The following GPHN variants were observed in gnomAD, a reference collection of about 807,000 sequenced individuals.
GPHN encodes gephyrin.
GPHN carries 17 observed loss-of-function variants against 95.5 expected under a neutral mutation model. The observed-to-expected ratio is 0.18, with a 90% CI of 0.12 to 0.27. GPHN has a LOEUF of 0.27. GPHN is among the 10% of genes least tolerant of loss of function. GPHN has a pLI of 1.00. For synonymous variants in GPHN, 320 were observed against 322.5 expected, an observed-to-expected ratio of 0.99 and a Z score of 0.08; for missense variants, 660 against 978.1, an observed-to-expected ratio of 0.67 and a Z score of 4.34.
chr14:66,991,510 A>G (rs909289335), intron 9 of GPHN, among the ~76,000 whole-genome samples: 1 of 152,092 alleles, frequency 6.6e-6, no homozygotes, highest in Non-Finnish European at 1.5e-5. Flanking sequence ...CCTGTAACCC[A>G]GCACTTTGGG....
chr14:67,426,854 C>T, the GPHN span, among the ~76,000 whole-genome samples: 39 of 152,314 alleles, frequency 2.6e-4, no homozygotes, highest in Admixed American at 2.0e-3. Flanking sequence ...GGATTACAGG[C>T]GTGAGCCACG....
At chr14:67,110,541 C>T (rs1253626983) in intron 14 of GPHN, among the ~76,000 whole-genome samples, 11 of 151,956 alleles carry the variant, frequency 7.2e-5, no homozygotes, top group South Asian at 6.2e-4. Flanking sequence ...ATGCAAACAA[C>T]GAAAGAAAGT....
chr14:67,147,695 C>A (rs995094440), intron 18 of GPHN, among the ~76,000 whole-genome samples: 1 of 152,142 alleles, frequency 6.6e-6, no homozygotes, highest in Non-Finnish European at 1.5e-5. Flanking sequence ...AACCACCATG[C>A]CAGCCTAGAA....
At chr14:67,579,593 C>T in the GPHN span, 1 of 916,656 alleles carries the variant, frequency 1.1e-6, no homozygotes, top group East Asian at 2.6e-5. Context: ...AACACAGAAA[C>T]CAACTTGCTT....
chr14:66,746,907 T>C (rs916684257), intron 2 of GPHN, among the ~76,000 whole-genome samples: 1 of 152,170 alleles, frequency 6.6e-6, no homozygotes, highest in African/African-American at 2.4e-5. Context: ...CTGTCTTCTT[T>C]TATTTTAGCT....
At chr14:66,753,467 A>C (rs1464678125) in intron 2 of GPHN, among the ~76,000 whole-genome samples, 1 of 151,840 alleles carries the variant, frequency 6.6e-6, no homozygotes, top group Non-Finnish European at 1.5e-5. Context: ...CCTGAGTTTT[A>C]GGGTGGCAGT....
At chr14:67,093,891 T>G (rs534450719) in intron 12 of GPHN, among the ~76,000 whole-genome samples, 5 of 152,248 alleles carry the variant, frequency 3.3e-5, no homozygotes, top group Admixed American at 6.5e-5. Flanking sequence ...TTAGTATGCA[T>G]ATAAATACTA....
the GPHN span, among the ~76,000 whole-genome samples, chr14:67,298,289 G>A: frequency 6.6e-6 from 1 of 151,824 alleles, no homozygotes; most frequent in East Asian, 1.9e-4. Flanking sequence ...ACTAGGGGCC[G>A]GACCACCTGA....
chr14:67,465,426 GCCTCGCTA>G, the GPHN span, among the ~76,000 whole-genome samples: 6 of 128,746 alleles, frequency 4.7e-5, no homozygotes, highest in Non-Finnish European at 9.4e-5. Context: ...AGGTTTGTAA[GCCTCGCTA>G]AGGTGTCGAG....
the GPHN span, chr14:67,208,049 G>T: frequency 2.9e-6 from 2 of 697,494 alleles, no homozygotes; most frequent in Non-Finnish European, 3.5e-6. Context: ...CCCAATGGTC[G>T]TGCCATTCTA....
intron 5 of GPHN, among the ~76,000 whole-genome samples, chr14:66,907,236 T>G (rs1008991048): frequency 3.9e-5 from 6 of 152,180 alleles, no homozygotes; most frequent in Admixed American, 3.9e-4. Flanking sequence ...CAATGGACTC[T>G]TATTCAATAA....
chr14:67,583,362 G>A, the GPHN span, among the ~76,000 whole-genome samples: 1 of 152,084 alleles, frequency 6.6e-6, no homozygotes, highest in Non-Finnish European at 1.5e-5. Context: ...AACTCCAAAG[G>A]CCACATTTGG....
At chr14:67,114,362 A>C (rs2078553028) in intron 16 of GPHN, among the ~76,000 whole-genome samples, 1 of 152,168 alleles carries the variant, frequency 6.6e-6, no homozygotes. Context: ...TTTGTGCAAC[A>C]AGTAAGTTCA....
At chr14:67,379,903 C>T in the GPHN span, among the ~76,000 whole-genome samples, 1 of 151,938 alleles carries the variant, frequency 6.6e-6, no homozygotes, top group Non-Finnish European at 1.5e-5. Context: ...ATCCGCCCGC[C>T]TCGGCCTCCC....
At chr14:66,973,793 C>T (rs1386066135) in intron 9 of GPHN, among the ~76,000 whole-genome samples, 2 of 152,114 alleles carry the variant, frequency 1.3e-5, no homozygotes, top group Admixed American at 6.6e-5. Context: ...AAGAAATAAC[C>T]TGGTTGTTGG....
At chr14:66,628,477 G>T (rs2063603987) in intron 1 of GPHN, among the ~76,000 whole-genome samples, 1 of 152,060 alleles carries the variant, frequency 6.6e-6, no homozygotes, top group African/African-American at 2.4e-5. Context: ...CTGTAAATAT[G>T]TGGTATAAAA....
the GPHN span, among the ~76,000 whole-genome samples, chr14:67,388,463 A>G: frequency 2.0e-5 from 3 of 152,226 alleles, no homozygotes; most frequent in Non-Finnish European, 4.4e-5. Context: ...TGCATGCATC[A>G]GTAAGGAAGC....
At chr14:66,973,796 G>A (rs35903938) in intron 9 of GPHN, among the ~76,000 whole-genome samples, 2,553 of 152,148 alleles carry the variant, frequency 0.017, 27 homozygotes, top group Non-Finnish European at 0.025. Flanking sequence ...AAATAACCTG[G>A]TTGTTGGCAG....
At chr14:66,849,697 C>T (rs2062496729) in intron 4 of GPHN, among the ~76,000 whole-genome samples, 1 of 151,936 alleles carries the variant, frequency 6.6e-6, no homozygotes, top group Non-Finnish European at 1.5e-5. Context: ...TTTTGTTTCT[C>T]CTTTTATAAA....
Sources: gnomAD v4.1 joint callset for allele counts (sites outside exome capture counted in the v4.1 genomes callset) on GRCh38, gnomAD v4.1.1 for gene constraint, MANE v1.5 for transcripts, NCBI Gene and HGNC (gene_info 2026-07-23, HGNC 2026-07-21) for gene names.